Variants in EIF3A observed in about 807,000 individuals in gnomAD.
EIF3A encodes the protein EIF3, p180 subunit.
In EIF3A, 21 loss-of-function variants were observed where a neutral mutation model predicts 186.6. The ratio of observed to expected loss-of-function variants is 0.11; its 90% CI spans 0.08 to 0.16. The LOEUF is 0.16. Ranked by LOEUF, EIF3A falls within the 10% of genes least tolerant of loss-of-function variation. The pLI is 1.00. For missense variants in EIF3A, 1,306 were observed against 1,796.3 expected (o/e 0.73, Z 4.93); for synonymous variants, 563 against 584.3 (o/e 0.96, Z 0.52).
Position 119,043,935 on chromosome 10 carries a change from T to G in EIF3A, c.2747+119A>C, listed in dbSNP as rs367898183. On this transcript the variant is annotated intron_variant, in intron 18 of 21. Coordinates refer to ENST00000369144, the MANE Select transcript of EIF3A (RefSeq NM_003750.4). ...ATACAAACCCACACGCAATCAGACATGCACACAATTCTTCATGGCTCTCCT... is the reference window on the plus strand; with the variant it reads ...ATACAAACCCACACGCAATCAGACAGGCACACAATTCTTCATGGCTCTCCT... 6.7e-4 allele frequency: 515 copies of G among 772,456 alleles called. 4 individuals carry two copies. In the South Asian group the frequency reaches 7.9e-3, roughly 12 times the overall value. 47.9% of individuals were successfully genotyped at this position (772,456 alleles called of 1,614,324 possible).
At chr10:119,075,671 C>T (rs1844157666) in intron 1 of EIF3A, among the ~76,000 whole-genome samples, 5 of 94,976 alleles carry the variant, frequency 5.3e-5, no homozygotes, top group Admixed American at 1.2e-4. Flanking sequence ...TATATATCTC[C>T]TTTTTAAAAA....
At chr10:119,075,084 C>A (rs1020788260) in intron 1 of EIF3A, among the ~76,000 whole-genome samples, 1 of 150,232 alleles carries the variant, frequency 6.7e-6, no homozygotes, top group East Asian at 2.0e-4. Context: ...GCCTCAGCCT[C>A]CTGAGTAGCT....
At chr10:119,065,674 C>T (rs933241121) in intron 6 of EIF3A, 104 bp from the exon 7 acceptor site, 9 of 764,538 alleles carry the variant, frequency 1.2e-5, no homozygotes, top group South Asian at 6.6e-5. Context: ...AGTGACAGAA[C>T]GTGTACATCA....
At chr10:119,061,426 G>T (rs1843886483) in intron 7 of EIF3A, 98 bp from the exon 8 acceptor site, 3 of 536,892 alleles carry the variant, frequency 5.6e-6, no homozygotes, top group East Asian at 6.3e-5. Context: ...TCTGGAAAAT[G>T]ATTTAAAAAA....
In EIF3A at chr10:119,073,914, G is replaced by T; in HGVS notation, c.73C>A (p.Gln25Lys). Residue 25 changes from glutamine (Q) to lysine (K), a missense_variant, in exon 2 of 22, where the codon CAG becomes AAG. Transcript: ENST00000369144. ...ANEFLEVGKK[Q>K]PALDVLYDVM... ...TCATAAAGAACATCCAGAGCAGGCTGCTTTTTGCCAACCTCAAGAAATTCT... is the reference window on the plus strand; with the variant it reads ...TCATAAAGAACATCCAGAGCAGGCTTCTTTTTGCCAACCTCAAGAAATTCT... 1 of 1,597,630 alleles carries T rather than the reference G, an allele frequency of 6.3e-7. No individual in the cohort carries two copies. The highest frequency in any genetic ancestry group is 8.5e-7 in the Non-Finnish European group (1 of 1,173,580).
At chr10:119,068,971 CAAAAA>C (rs59413780) in intron 6 of EIF3A, among the ~76,000 whole-genome samples, 3 of 99,008 alleles carry the variant, frequency 3.0e-5, no homozygotes, top group Admixed American at 1.2e-4. Context: ...CTCTGTCTTG[CAAAAA>C]AAAAAAAAAA....
intron 1 of EIF3A, among the ~76,000 whole-genome samples, chr10:119,075,879 ATT>A (rs58100835): frequency 1.4e-3 from 127 of 94,058 alleles, no homozygotes; most frequent in South Asian, 0.01. Context: ...CGCCTGGCTA[ATT>A]TTTTTTTTTT....
chr10:119,049,618 G>A (rs193268334), intron 17 of EIF3A, among the ~76,000 whole-genome samples, 183 bp downstream of exon 17: 4 of 151,970 alleles, frequency 2.6e-5, no homozygotes, highest in Admixed American at 6.6e-5. Context: ...CAGGCATGGT[G>A]GTATGCACCT....
rs1454787868 is a variant in EIF3A at position 119,060,743 on chromosome 10, T to C, written c.1326+3A>G. On this transcript the variant is annotated splice_donor_region_variant and intron_variant, in intron 9 of 21. Coordinates refer to ENST00000369144, the MANE Select transcript of EIF3A (RefSeq NM_003750.4). ...AAAACTTTTTTTATTTTTTTATTTT[T>C]ACCTGCTGCAGAAGGCGGAGGATGG... 6.3e-7 allele frequency: 1 copy of C among 1,587,078 alleles called. No individual in the cohort carries two copies. The highest frequency in any genetic ancestry group is 8.5e-7 in the Non-Finnish European group (1 of 1,171,244).
At chr10:119,052,399 T>TGTGTGTGTGTGTG (rs1554870363) in intron 14 of EIF3A, among the ~76,000 whole-genome samples, 2 of 149,104 alleles carry the variant, frequency 1.3e-5, no homozygotes, top group African/African-American at 4.9e-5. Context: ...TGTGTGTGTG[T>TGTGTGTGTGTGTG]TTTAAGACAG....
chr10:119,043,898 CA>C (rs938758409), intron 18 of EIF3A, among the ~76,000 whole-genome samples, 155 bp downstream of exon 18: 2 of 151,968 alleles, frequency 1.3e-5, no homozygotes, highest in African/African-American at 2.4e-5. Flanking sequence ...GCAGCAGACC[CA>C]AAAAAACAAA....
intron 6 of EIF3A, 124 bp from the exon 7 acceptor site, chr10:119,065,694 A>G: frequency 1.5e-6 from 1 of 654,146 alleles, no homozygotes; most frequent in Non-Finnish European, 2.7e-6. Context: ...ACCATGGTGC[A>G]CTATACTCAT....
chr10:119,037,212 C>G lies in EIF3A; in HGVS notation c.3826G>C (p.Glu1276Gln). The G allele has an allele frequency of 6.2e-7, 1 of 1,614,104 alleles. No individual in the cohort carries two copies. Among genetic ancestry groups the G allele is most frequent in the Non-Finnish European group, 8.5e-7 (1 of 1,180,012 alleles). The change falls in exon 21 of 22, where the codon GAG (glutamate) becomes CAG (glutamine). Residue 1276 changes from glutamate to glutamine, a missense_variant. Physicochemically the swap from Glu to Gln is conservative, Grantham distance 29 (BLOSUM62 2). Coordinates refer to ENST00000369144, the MANE Select transcript of EIF3A (RefSeq NM_003750.4). ...DDRDRDDRRR[E>Q]RDDRRDLRER... ...CTTAGATCACGCCGGTCATCCCTCT[C>G]ACGGCGACGGTCATCCCTATCCCTA...
intron 9 of EIF3A, 117 bp downstream of exon 9, chr10:119,060,629 G>A: frequency 1.6e-6 from 1 of 617,140 alleles, no homozygotes. Context: ...ACTAATTTTT[G>A]CCAGGGGCAG....
chr10:119,055,020 G>A (rs768986422), intron 14 of EIF3A, among the ~76,000 whole-genome samples: 4 of 152,094 alleles, frequency 2.6e-5, no homozygotes, highest in African/African-American at 4.8e-5. Context: ...GACCAGCCCA[G>A]CCAACACGGT....
At position 119,035,113 on chromosome 10, in the gene EIF3A, AC is replaced by A. The variant is rs1848110620; in HGVS notation, c.*925del. ...CAAGTTCTGTGTTGGCTTCAATGAG[AC>A]CAAATAGTTCATCTTTAACATAGCT... On this transcript the variant is annotated 3_prime_UTR_variant, in exon 22 of 22. Coordinates refer to ENST00000369144, the MANE Select transcript of EIF3A (RefSeq NM_003750.4). The A allele has an allele frequency of 6.6e-6, 1 of 152,574 alleles. No individual in the cohort carries two copies. Among genetic ancestry groups the A allele is most frequent in the Non-Finnish European group, 1.5e-5 (1 of 68,008 alleles). The allele number at this position is 152,574 out of a possible 1,614,324, so 9.5% of individuals were successfully genotyped here.
Position 119,056,865 on chromosome 10 carries a change from G to A in EIF3A, c.2083-12C>T, listed in dbSNP as rs767365581. The A allele has an allele frequency of 1.8e-5, 29 of 1,598,748 alleles. No homozygotes were observed. Among genetic ancestry groups the A allele is most frequent in the South Asian group, 3.3e-5 (3 of 90,724 alleles). ...TCAAAATAGTCAATCTGAATGACAC[G>A]AAAACACACGTAGTTTTAAAAAATC... On this transcript the variant is annotated splice_polypyrimidine_tract_variant and intron_variant, in intron 13 of 21. Coordinates refer to ENST00000369144, the MANE Select transcript of EIF3A (RefSeq NM_003750.4).
At chr10:119,067,936 G>A (rs1016035784) in intron 6 of EIF3A, among the ~76,000 whole-genome samples, 4 of 151,950 alleles carry the variant, frequency 2.6e-5, no homozygotes, top group Admixed American at 2.6e-4. Context: ...TCAGCCTCCC[G>A]AGTAGCTGGG....
At chr10:119,070,515 A>G (rs1399930726) in intron 5 of EIF3A, among the ~76,000 whole-genome samples, 1 of 152,050 alleles carries the variant, frequency 6.6e-6, no homozygotes, top group Non-Finnish European at 1.5e-5. Flanking sequence ...AATGTACAAT[A>G]AAATTGCTAC....
Sources: allele counts gnomAD v4.1 joint callset (sites outside exome capture counted in the v4.1 genomes callset), GRCh38; gene constraint gnomAD v4.1.1; transcripts MANE v1.5; gene names NCBI Gene and HGNC (gene_info 2026-07-23, HGNC 2026-07-21).